The following OXR1 variants were observed in gnomAD, a reference collection of about 807,000 sequenced individuals.
The protein encoded by OXR1 is oxidation resistance 1, also known as oxidation resistance protein 1.
A neutral mutation model predicts 104.6 loss-of-function variants in OXR1; 41 were observed. The ratio of observed to expected loss-of-function variants is 0.39; its 90% confidence interval spans 0.31 to 0.51. OXR1 has a LOEUF of 0.51. OXR1 is among the 20% of genes least tolerant of loss of function. The probability of loss-of-function intolerance (pLI) is 0.77; values close to 1 mark genes in which losing one functional copy is unlikely to be tolerated. For missense variants in OXR1, 955 were observed against 1,031.9 expected (o/e 0.93, Z 1.02); for synonymous variants, 348 against 348.4 (o/e 1.00, Z 0.01).
At chr8:106,735,107 C>T (rs971699413) in intron 11 of OXR1, among the ~76,000 whole-genome samples, 3 of 151,882 alleles carry the variant, frequency 2.0e-5, no homozygotes, top group African/African-American at 7.2e-5. Flanking sequence ...TTCCAGTTTC[C>T]TCATATATAC....
chr8:106,722,107 T>C (rs562993532), intron 11 of OXR1, among the ~76,000 whole-genome samples: 3 of 152,296 alleles, frequency 2.0e-5, no homozygotes, highest in Admixed American at 6.5e-5. Context: ...ATTCTGGTGA[T>C]CATTTTATTA....
chr8:106,658,664 G>A (rs1273288944), intron 3 of OXR1, among the ~76,000 whole-genome samples: 2 of 152,150 alleles, frequency 1.3e-5, no homozygotes, highest in Non-Finnish European at 2.9e-5. Flanking sequence ...ATACTTCTTT[G>A]TAAAATAAAA....
At chr8:106,617,525 A>G (rs896797527) in intron 3 of OXR1, among the ~76,000 whole-genome samples, 16 of 152,172 alleles carry the variant, frequency 1.1e-4, no homozygotes, top group African/African-American at 3.6e-4. Flanking sequence ...TGTTGTGTGG[A>G]CTTTCTTCTT....
At chr8:106,414,350 G>T (rs1586619929) in intron 2 of OXR1, among the ~76,000 whole-genome samples, 1 of 152,034 alleles carries the variant, frequency 6.6e-6, no homozygotes, top group Non-Finnish European at 1.5e-5. Context: ...AGAGGGAAGG[G>T]ACCATGTTGA....
chr8:106,636,703 A>G (rs1305028686), intron 3 of OXR1, among the ~76,000 whole-genome samples: 1 of 151,616 alleles, frequency 6.6e-6, no homozygotes, highest in Non-Finnish European at 1.5e-5. Context: ...CAAAGGATCT[A>G]AGTTTTTCTT....
intron 2 of OXR1, among the ~76,000 whole-genome samples, chr8:106,397,413 A>G (rs1446388698): frequency 3.3e-5 from 5 of 152,060 alleles, no homozygotes; most frequent in African/African-American, 1.2e-4. Flanking sequence ...AAACTTTTCT[A>G]TCTTCTGATT....
intron 2 of OXR1, among the ~76,000 whole-genome samples, chr8:106,391,914 G>T (rs1270789833): frequency 6.6e-6 from 1 of 152,034 alleles, no homozygotes; most frequent in Non-Finnish European, 1.5e-5. Context: ...CCATACCCTG[G>T]CACTGCCCCA....
chr8:106,674,606 CA>C (rs573284072), intron 3 of OXR1, among the ~76,000 whole-genome samples: 12 of 152,092 alleles, frequency 7.9e-5, no homozygotes, highest in East Asian at 5.8e-4. Flanking sequence ...TGGGAGGGGC[CA>C]GGGGCAGAAT....
intron 3 of OXR1, among the ~76,000 whole-genome samples, chr8:106,675,169 G>A (rs1416651359): frequency 2.0e-5 from 3 of 152,126 alleles, no homozygotes; most frequent in Non-Finnish European, 4.4e-5. Context: ...TGTATAAAAA[G>A]CAAAGTAGGG....
intron 3 of OXR1, among the ~76,000 whole-genome samples, chr8:106,550,241 A>G (rs1277100288): frequency 6.6e-6 from 1 of 152,202 alleles, no homozygotes; most frequent in African/African-American, 2.4e-5. Flanking sequence ...TGAGGATTCC[A>G]ATGGAGAAAA....
intron 2 of OXR1, among the ~76,000 whole-genome samples, chr8:106,411,727 C>T (rs1472252293): frequency 2.6e-5 from 4 of 152,102 alleles, no homozygotes; most frequent in Admixed American, 1.3e-4. Flanking sequence ...GAACTTTGGC[C>T]TTTTAGAATC....
At chr8:106,716,230 C>A (rs1382319347) in intron 11 of OXR1, among the ~76,000 whole-genome samples, 1 of 152,096 alleles carries the variant, frequency 6.6e-6, no homozygotes, top group Non-Finnish European at 1.5e-5. Flanking sequence ...TTGAGATGTG[C>A]TGTAGTGTAA....
At chr8:106,394,282 T>C (rs1488061493) in intron 2 of OXR1, among the ~76,000 whole-genome samples, 4 of 150,804 alleles carry the variant, frequency 2.7e-5, no homozygotes, top group African/African-American at 9.7e-5. Context: ...TTAATAGATA[T>C]GCTATACAAC....
At chr8:106,325,415 A>G (rs1012386056) in intron 1 of OXR1, among the ~76,000 whole-genome samples, 11 of 152,232 alleles carry the variant, frequency 7.2e-5, no homozygotes, top group African/African-American at 2.7e-4. Context: ...AGGGCCCAAG[A>G]GCGCAAATGA....
At chr8:106,488,372 T>G (rs1810838695) in intron 2 of OXR1, among the ~76,000 whole-genome samples, 1 of 141,886 alleles carries the variant, frequency 7.0e-6, no homozygotes, top group Admixed American at 7.2e-5. Flanking sequence ...ATTTTGTAGG[T>G]TGCCTGTTCA....
chr8:106,714,257 A>G (rs1320880201), intron 11 of OXR1, among the ~76,000 whole-genome samples: 1 of 152,052 alleles, frequency 6.6e-6, no homozygotes, highest in Admixed American at 6.6e-5. Flanking sequence ...TTAGTTTAGG[A>G]AAGATTAACA....
intron 2 of OXR1, among the ~76,000 whole-genome samples, chr8:106,509,540 G>A (rs1043900412): frequency 2.0e-5 from 3 of 152,120 alleles, no homozygotes; most frequent in Admixed American, 6.5e-5. Context: ...TGTTGAAAGC[G>A]TTAGATCCTG....
intron 1 of OXR1, among the ~76,000 whole-genome samples, chr8:106,339,516 AAAAATATATATATATATATAT>A (rs1281419223): frequency 0.011 from 361 of 33,728 alleles, 15 homozygotes; most frequent in African/African-American, 0.056. Flanking sequence ...AAAAAAAAAA[AAAAATATATATATATATATAT>A]ATATATATAT....
intron 6 of OXR1, among the ~76,000 whole-genome samples, chr8:106,690,376 A>G (rs1404183551): frequency 1.3e-5 from 2 of 151,080 alleles, no homozygotes; most frequent in African/African-American, 4.8e-5. Context: ...TTGTTTTTTA[A>G]TATGTACTTT....
Sources: allele counts gnomAD v4.1 joint callset (sites outside exome capture counted in the v4.1 genomes callset), GRCh38; gene constraint gnomAD v4.1.1; transcripts MANE v1.5; gene names NCBI Gene and HGNC (gene_info 2026-07-23, HGNC 2026-07-21).